RARRES2: variants seen among roughly 807,000 people sequenced by gnomAD.
RARRES2 encodes retinoic acid receptor responder protein 2.
Under a neutral mutation model 17.9 loss-of-function variants are expected in RARRES2, and 12 were observed. The ratio of observed to expected loss-of-function variants is 0.67; its 90% CI spans 0.43 to 1.08. The LOEUF (loss-of-function observed/expected upper bound fraction) is 1.08. Ranked by LOEUF, RARRES2 falls within the 50% of genes least tolerant of loss-of-function variation. The pLI is 0.00. For missense variants in RARRES2, 220 were observed against 210.1 expected (o/e 1.05, Z -0.29); for synonymous variants, 82 against 86.8 (o/e 0.94, Z 0.31).
chr7:150,340,831 G>A (rs1472729333), intron 1 of RARRES2: 4 of 511,018 alleles, frequency 7.8e-6, no homozygotes, highest in African/African-American at 2.1e-5. Flanking sequence ...CTCCCACCCT[G>A]CCCGCGCTGT....
intron 1 of RARRES2, chr7:150,340,864 C>G (rs1798471932): frequency 6.9e-6 from 3 of 433,682 alleles, no homozygotes; most frequent in African/African-American, 2.1e-5. Context: ...GCAGTTTTAG[C>G]AAAGTTCCCT....
In RARRES2 at chr7:150,340,112, G is replaced by A. The variant is rs1304792987; in HGVS notation, c.267C>T (p.Val89=). ...CCCCTTCACTCACCCCATTGGGCCT[G>A]ACTTTGCACTCGGGTTTCTTCCAGT... ...KRDWKKPECK[V]RPNGRKRKCL... The change falls in exon 3 of 6, where the codon GTC becomes GTT. Residue 89 remains valine (V), a synonymous_variant. Transcript: ENST00000223271. The A allele has an allele frequency of 2.5e-6, 4 of 1,613,854 alleles. No homozygotes were observed. The Admixed American group carries it at 6.7e-5, about 27-fold the overall frequency.
At position 150,340,557 on chromosome 7, in the gene RARRES2, C is replaced by G. The variant is rs1428855412; in HGVS notation, c.53G>C (p.Gly18Ala). Residue 18 changes from glycine (G) to alanine (A), a missense_variant, in exon 2 of 6, where the codon GGC becomes GCC. Transcript: ENST00000223271. ...LALWLGAVGVGVAELTEAQRR... is the reference protein window; with the variant it reads ...LALWLGAVGVAVAELTEAQRR... ...CTGGGCTTCCGTGAGCTCGGCGACGCCCACGCCCACCGCACCCAGCCACAG... is the reference window on the plus strand; with the variant it reads ...CTGGGCTTCCGTGAGCTCGGCGACGGCCACGCCCACCGCACCCAGCCACAG... The G allele has an allele frequency of 6.4e-7, 1 of 1,569,810 alleles. No individual in the cohort carries two copies. The highest frequency in any genetic ancestry group is 1.4e-5 in the African/African-American group (1 of 73,964).
rs374463961 is a variant in RARRES2 at position 150,340,433 on chromosome 7, C to T, written c.174+3G>A. ...CCGCTCCTGCCCGGGCCATGCTACT[C>T]ACCGTGTCCACGGCGCTCTCCACAC... is the stretch of plus-strand genomic sequence containing the variant. On this transcript the variant is annotated splice_donor_region_variant and intron_variant, in intron 2 of 5. Coordinates refer to ENST00000223271, the MANE Select transcript of RARRES2 (RefSeq NM_002889.4). 14 of 1,595,964 alleles carry T rather than the reference C, an allele frequency of 8.8e-6. No individual in the cohort carries two copies. Among genetic ancestry groups the T allele is most frequent in the Non-Finnish European group, 1.0e-5 (12 of 1,168,818 alleles).
At position 150,340,194 on chromosome 7, in the gene RARRES2, G is replaced by C. The variant is rs770604020; in HGVS notation, c.185C>G (p.Ala62Gly). 6 of 1,614,128 alleles carry C rather than the reference G, an allele frequency of 3.7e-6. No homozygotes were observed. In the South Asian group the frequency reaches 6.6e-5, roughly 18 times the overall value. ...VESAVDTPFP[A>G]GIFVRLEFKL... ...AAATTCCAGCCTCACAAATATTCCAGCTGGGAAGGGCTGCGGACAGACAGG... is the reference window on the plus strand; with the variant it reads ...AAATTCCAGCCTCACAAATATTCCACCTGGGAAGGGCTGCGGACAGACAGG... Residue 62 changes from alanine (A) to glycine (G), a missense_variant, in exon 3 of 6, where the codon GCT (alanine) becomes GGT (glycine). Transcript: ENST00000223271.
At chr7:150,338,906 C>G in intron 4 of RARRES2, 80 bp downstream of exon 4, 1 of 1,540,904 alleles carries the variant, frequency 6.5e-7, no homozygotes, top group Non-Finnish European at 8.9e-7. Flanking sequence ...CAAGCTTTAG[C>G]CTCGAGACCA....
chr7:150,340,706 G>A (rs1408001144), intron 1 of RARRES2, 77 bp from the exon 2 acceptor site: 4 of 1,302,394 alleles, frequency 3.1e-6, no homozygotes, highest in Non-Finnish European at 4.0e-6. Context: ...TCTGGGGGGA[G>A]GGTGGGGAGC....
chr7:150,340,188 A>G lies in RARRES2; in HGVS notation c.191T>C (p.Ile64Thr), dbSNP rs746691130. The G allele has an allele frequency of 1.2e-6, 2 of 1,614,064 alleles. No homozygotes were observed. Among genetic ancestry groups the G allele is most frequent in the Admixed American group, 1.7e-5 (1 of 60,020 alleles). ...CAGCTTAAATTCCAGCCTCACAAAT[A>G]TTCCAGCTGGGAAGGGCTGCGGACA... ...SAVDTPFPAG[I>T]FVRLEFKLQQ... The change falls in exon 3 of 6, where the codon ATA becomes ACA. Residue 64 changes from isoleucine (I) to threonine (T), a missense_variant. Coordinates refer to ENST00000223271, the MANE Select transcript of RARRES2 (RefSeq NM_002889.4).
intron 2 of RARRES2, 25 bp downstream of exon 2, chr7:150,340,411 C>A: frequency 6.3e-7 from 1 of 1,577,540 alleles, no homozygotes; most frequent in Non-Finnish European, 8.6e-7. Context: ...ACCCTCCCCG[C>A]TCCTGCCCGG....
At position 150,340,151 on chromosome 7, in the gene RARRES2, G is replaced by C; in HGVS notation, c.228C>G (p.Ser76Arg). ...GTTTCTTCCAGTCCCTCTTCCGGCA[G>C]CTTGTCTGCTGCAGCTTAAATTCCA... ...VRLEFKLQQT[S>R]CRKRDWKKPE... The change falls in exon 3 of 6, where the codon AGC becomes AGG. Residue 76 changes from serine (S) to arginine (R), a missense_variant. Ser to Arg is a moderately radical substitution (Grantham distance 110). Coordinates refer to ENST00000223271, the MANE Select transcript of RARRES2 (RefSeq NM_002889.4). 6.2e-7 allele frequency: 1 copy of C among 1,614,188 alleles called. No homozygotes were observed. Among genetic ancestry groups the C allele is most frequent in the African/African-American group, 1.3e-5 (1 of 75,066 alleles).
At chr7:150,340,815 C>A in intron 1 of RARRES2, 186 bp from the exon 2 acceptor site, 1 of 542,348 alleles carries the variant, frequency 1.8e-6, no homozygotes, top group Non-Finnish European at 3.2e-6. Context: ...TGGCCCTCTC[C>A]GTTCCCTCCC....
At chr7:150,340,802 G>T (rs973200612) in intron 1 of RARRES2, 173 bp from the exon 2 acceptor site, 2 of 580,380 alleles carry the variant, frequency 3.4e-6, no homozygotes, top group Non-Finnish European at 5.8e-6. Flanking sequence ...CTTAGGGTCC[G>T]CCTGGCCCTC....
intron 1 of RARRES2, 198 bp from the exon 2 acceptor site, chr7:150,340,827 C>T: frequency 1.9e-6 from 1 of 520,852 alleles, no homozygotes; most frequent in Admixed American, 3.6e-5. Context: ...TTCCCTCCCA[C>T]CCTGCCCGCG....
At chr7:150,340,760 G>A (rs1229836297) in intron 1 of RARRES2, 131 bp from the exon 2 acceptor site, 2 of 773,398 alleles carry the variant, frequency 2.6e-6, no homozygotes, top group East Asian at 3.0e-5. Context: ...ACAGGTGAAG[G>A]AGCCTGGAAA....
chr7:150,340,357 C>T (rs931781878), intron 2 of RARRES2, 79 bp downstream of exon 2: 10 of 1,550,664 alleles, frequency 6.4e-6, no homozygotes, highest in South Asian at 1.2e-5. Flanking sequence ...AGCCCAAGCA[C>T]TTCTGTCCCC....
At position 150,340,539 on chromosome 7, in the gene RARRES2, TC is replaced by T; in HGVS notation, c.70del (p.Glu24LysfsTer43). 1 of 1,580,934 alleles carries T rather than the reference TC, an allele frequency of 6.3e-7. No individual in the cohort carries two copies. Among genetic ancestry groups the T allele is most frequent in the Non-Finnish European group, 8.6e-7 (1 of 1,164,074 alleles). ...CACCTGCAGGCCCCGGCGCTGGGCT[TC>T]CGTGAGCTCGGCGACGCCCACGCCC... ...AVGVGVAELT[E>X]AQRRGLQVAL... is the part of the protein sequence containing the mutation. On this transcript the variant is annotated frameshift_variant, in exon 2 of 6. Coordinates refer to ENST00000223271, the MANE Select transcript of RARRES2 (RefSeq NM_002889.4). LOFTEE classifies it high-confidence loss of function.
chr7:150,341,374 A>G (rs1007766575), intron 1 of RARRES2: 6 of 152,080 alleles, frequency 3.9e-5, no homozygotes, highest in African/African-American at 1.5e-4. Context: ...CTGATGCATG[A>G]CTGGGGCCAC....
At chr7:150,338,778 G>A (rs1406029845) in intron 4 of RARRES2, 37 bp from the exon 5 acceptor site, 1 of 1,562,336 alleles carries the variant, frequency 6.4e-7, no homozygotes, top group Non-Finnish European at 8.7e-7. Flanking sequence ...AGTGTAGGAG[G>A]GGTGGGCAGT....
At chr7:150,339,110 G>A (rs977818928) in intron 3 of RARRES2, 29 bp from the exon 4 acceptor site, 6 of 1,552,756 alleles carry the variant, frequency 3.9e-6, no homozygotes, top group African/African-American at 2.7e-5. Context: ...CATGGGGTGA[G>A]CAGAGGAAAA....
Sources: allele counts gnomAD v4.1 joint callset, GRCh38; gene constraint gnomAD v4.1.1; transcripts MANE v1.5; gene names NCBI Gene and HGNC (gene_info 2026-07-23, HGNC 2026-07-21).